Variants in TSNAXIP1 observed in about 807,000 individuals in gnomAD.
TSNAXIP1 encodes the protein translin associated factor X interacting protein 1, also known as translin-associated factor X-interacting protein 1.
In TSNAXIP1, 89 loss-of-function variants were observed where a neutral mutation model predicts 84.8. The observed-to-expected ratio is 1.05, with a 90% CI of 0.88 to 1.25. TSNAXIP1 has a LOEUF of 1.25. Ranked by LOEUF, TSNAXIP1 falls within the 50% of genes most tolerant of loss-of-function variation. TSNAXIP1 has a pLI of 0.00. For missense variants in TSNAXIP1, 874 were observed against 887.6 expected, an observed-to-expected ratio of 0.98 and a Z score of 0.20; for synonymous variants, 347 against 335.2, an observed-to-expected ratio of 1.04 and a Z score of -0.39.
chr16:67,813,912 G>T (rs940928732), intron 1 of TSNAXIP1, among the ~76,000 whole-genome samples: 1 of 151,966 alleles, frequency 6.6e-6, no homozygotes, highest in Non-Finnish European at 1.5e-5. Context: ...CTGGACCCCA[G>T]ACCCTGTGCT....
intron 4 of TSNAXIP1, among the ~76,000 whole-genome samples, chr16:67,822,243 C>T (rs2057116901): frequency 6.8e-6 from 1 of 146,040 alleles, no homozygotes; most frequent in South Asian, 2.2e-4. Context: ...CACGCCACTG[C>T]ACTCCAGCCT....
rs111276494 is a variant in TSNAXIP1, at chr16:67,813,552, G to A, written c.48-750G>A. 3.4e-3 allele frequency among the ~76,000 whole-genome samples: 511 copies of A among 151,870 alleles called. 4 individuals carry two copies. Among genetic ancestry groups the A allele is most frequent in the African/African-American group, 0.012 (476 of 41,382 alleles). Reference sequence around the variant, plus strand: ...ATTCAAGACCAGCCTGGCCAACATGGTGAAACCCCGTCTCTACTGAAAATA... The same window carrying A: ...ATTCAAGACCAGCCTGGCCAACATGATGAAACCCCGTCTCTACTGAAAATA... On this transcript the variant is annotated intron_variant, in intron 1 of 15. Transcript: ENST00000561639.
At chr16:67,812,070 A>G (rs1205839838) in intron 1 of TSNAXIP1, among the ~76,000 whole-genome samples, 1 of 152,142 alleles carries the variant, frequency 6.6e-6, no homozygotes, top group Non-Finnish European at 1.5e-5. Flanking sequence ...TTATAAGCAA[A>G]GACACTGAGG....
chr16:67,823,420 G>A (rs1325852133), intron 4 of TSNAXIP1, among the ~76,000 whole-genome samples: 1 of 152,130 alleles, frequency 6.6e-6, no homozygotes, highest in African/African-American at 2.4e-5. Flanking sequence ...GCGCGTGCCT[G>A]TAATCCCAGC....
chr16:67,816,806 C>G (rs1000366423), intron 2 of TSNAXIP1, among the ~76,000 whole-genome samples: 6 of 152,016 alleles, frequency 3.9e-5, no homozygotes, highest in African/African-American at 1.5e-4. Context: ...GCCACCCGGG[C>G]GGAGATCCCT....
chr16:67,825,671 C>G lies in TSNAXIP1; in HGVS notation c.819C>G (p.Ile273Met). 6.2e-7 allele frequency: 1 copy of G among 1,610,132 alleles called. No homozygotes were observed. Among genetic ancestry groups the G allele is most frequent in the Non-Finnish European group, 8.5e-7 (1 of 1,177,120 alleles). The part of the protein sequence containing the change: ...EDMSLAQSPG[I>M]WGEDPVKLTL... ...GTGGGCCCCTTCCCCTGGCAGGCAT[C>G]TGGGGGGAGGACCCTGTGAAGTTAA... The change falls in exon 8 of 16, where the codon ATC (isoleucine) becomes ATG (methionine). Residue 273 changes from isoleucine to methionine, a missense_variant. Coordinates refer to ENST00000561639, the MANE Select transcript of TSNAXIP1 (RefSeq NM_001288990.3).
rs2057439656 is a variant in TSNAXIP1, at chr16:67,826,284, T to C, written c.1275+2T>C. On this transcript the variant is annotated splice_donor_variant, in intron 10 of 15. Transcript: ENST00000561639. LOFTEE classifies it high-confidence loss of function. The stretch of plus-strand genomic sequence containing the variant: ...GAGAAAGACTTCTTCCCTGGTCTGG[T>C]AGGGGAGGCCCCAGGAGTGGGGCTT... 2.5e-6 allele frequency: 4 copies of C among 1,577,558 alleles called. No homozygotes were observed. The highest frequency in any genetic ancestry group is 2.6e-6 in the Non-Finnish European group (3 of 1,160,124).
chr16:67,818,193 A>G (rs2056753763), intron 2 of TSNAXIP1, among the ~76,000 whole-genome samples: 1 of 152,196 alleles, frequency 6.6e-6, no homozygotes, highest in Non-Finnish European at 1.5e-5. Flanking sequence ...TGGGCGACAG[A>G]GCGAGACTCA....
At chr16:67,807,450 T>A in intron 1 of TSNAXIP1, 1 of 1,335,558 alleles carries the variant, frequency 7.5e-7, no homozygotes, top group Non-Finnish European at 1.0e-6. Context: ...TGCCAAATGC[T>A]TTATATACCA....
intron 2 of TSNAXIP1, among the ~76,000 whole-genome samples, chr16:67,820,359 G>A (rs1368972125): frequency 6.6e-6 from 1 of 152,200 alleles, no homozygotes; most frequent in African/African-American, 2.4e-5. Context: ...TTGTGACATA[G>A]CTAATAAGGG....
Position 67,820,870 on chromosome 16 carries a change from C to A in TSNAXIP1, c.179C>A (p.Ser60Tyr), listed in dbSNP as rs1158658280. 3.2e-6 allele frequency: 5 copies of A among 1,583,152 alleles called. No homozygotes were observed. The highest frequency in any genetic ancestry group is 4.3e-6 in the Non-Finnish European group (5 of 1,165,764). Residue 60 changes from serine to tyrosine, a missense_variant, in exon 3 of 16, where the codon TCC becomes TAC. Transcript: ENST00000561639. ...CAGTTCTCCATGGGTGGGCACCTGTCCCCATGGCCCACATACACCAGTGGC... is the reference window on the plus strand; with the variant it reads ...CAGTTCTCCATGGGTGGGCACCTGTACCCATGGCCCACATACACCAGTGGC... ...TGQFSMGGHLSPWPTYTSGQT... is the reference protein window; with the variant it reads ...TGQFSMGGHLYPWPTYTSGQT...
At chr16:67,823,589 G>A in intron 4 of TSNAXIP1, 37 bp from the exon 5 acceptor site, 1 of 1,564,414 alleles carries the variant, frequency 6.4e-7, no homozygotes, top group East Asian at 2.2e-5. Flanking sequence ...GTTGGCAGCT[G>A]TGGGCTAGGA....
intron 4 of TSNAXIP1, 38 bp downstream of exon 4, chr16:67,821,263 A>AG: frequency 8.2e-5 from 59 of 722,884 alleles, no homozygotes; most frequent in Non-Finnish European, 1.2e-4. Context: ...GGGCGGGGGA[A>AG]GGGTGGGAAG....
chr16:67,824,455 T>C, intron 5 of TSNAXIP1, 128 bp from the exon 6 acceptor site: 1 of 876,532 alleles, frequency 1.1e-6, no homozygotes, highest in Non-Finnish European at 1.8e-6. Context: ...GACCATGGCT[T>C]TGAACAAGGC....
chr16:67,807,235 G>T, intron 1 of TSNAXIP1, 39 bp downstream of exon 1: 1 of 1,535,960 alleles, frequency 6.5e-7, no homozygotes, highest in South Asian at 1.2e-5. Context: ...ATGAGGGTTT[G>T]AGTACTTCTA....
At chr16:67,809,635 T>C (rs28465467) in intron 1 of TSNAXIP1, among the ~76,000 whole-genome samples, 1 of 144,542 alleles carries the variant, frequency 6.9e-6, no homozygotes, top group Admixed American at 6.8e-5. Context: ...CAAAAAAAAA[T>C]AAATAAATAA....
At chr16:67,809,759 C>A (rs532513397) in intron 1 of TSNAXIP1, among the ~76,000 whole-genome samples, 1 of 151,992 alleles carries the variant, frequency 6.6e-6, no homozygotes, top group Non-Finnish European at 1.5e-5. Context: ...ACCAGCCTGG[C>A]CAACATAGTG....
In TSNAXIP1 at chr16:67,827,974, A is replaced by C; in HGVS notation, c.2120A>C (p.Glu707Ala). 6.2e-7 allele frequency: 1 copy of C among 1,613,218 alleles called. No homozygotes were observed. The change falls in exon 16 of 16, where the codon GAG becomes GCG. Residue 707 changes from glutamate to alanine, a missense_variant. Coordinates refer to ENST00000561639, the MANE Select transcript of TSNAXIP1 (RefSeq NM_001288990.3). ...VIDIRRVGPR[E>A]PEPAS Reference sequence around the variant, plus strand: ...GACATCAGGCGTGTGGGACCTCGAGAGCCAGAGCCTGCAAGCTAGGAACTT... The same window carrying C: ...GACATCAGGCGTGTGGGACCTCGAGCGCCAGAGCCTGCAAGCTAGGAACTT...
rs546675316 is a variant in TSNAXIP1 at position 67,808,329 on chromosome 16, C to T, written c.47+1133C>T. On this transcript the variant is annotated intron_variant, in intron 1 of 15. Coordinates refer to ENST00000561639, the MANE Select transcript of TSNAXIP1 (RefSeq NM_001288990.3). ...CGGTGGCTCACGCCTATAATCCCAG[C>T]ACTTTGGGAGGCCGAGGCGGGGGGA... Among the ~76,000 whole-genome samples the T allele has an allele frequency of 2.0e-5, 3 of 152,220 alleles. No individual in the cohort carries two copies. In the South Asian group the frequency reaches 6.2e-4, roughly 32 times the overall value.
Sources: allele counts gnomAD v4.1 joint callset (sites outside exome capture counted in the v4.1 genomes callset), GRCh38; gene constraint gnomAD v4.1.1; transcripts MANE v1.5; gene names NCBI Gene and HGNC (gene_info 2026-07-23, HGNC 2026-07-21).